RIN1: variants seen among roughly 807,000 people sequenced by gnomAD.
RIN1 encodes ras inhibitor 1.
RIN1 carries 52 observed loss-of-function variants against 64.9 expected under a neutral mutation model. The observed-to-expected ratio is 0.80, with a 90% CI of 0.64 to 1.01. RIN1 has a LOEUF of 1.01. Among genes scored for constraint, RIN1 ranks in the 50% least tolerant of loss-of-function variants. The pLI, the probability that RIN1 is intolerant of heterozygous loss-of-function variation, is 0.00. For synonymous variants in RIN1, 486 were observed against 483.6 expected (o/e 1.00, Z -0.06); for missense variants, 1,040 against 1,064.5 (o/e 0.98, Z 0.32).
Position 66,334,528 on chromosome 11 carries a change from G to T in RIN1, c.1271C>A (p.Ser424Ter). ...SAELGPEKLL[S>*]PKRLEHVLEK... The stretch of plus-strand genomic sequence containing the variant: ...CGGAGCCTCACCCAGCCTCTTAGGC[G>T]ACAGCAGCTTCTCAGGGCCCAGCTC... Residue 424 changes from serine (S) to a stop codon, truncating the protein, a stop_gained, in exon 6 of 10, where the codon TCG (serine) becomes TAG (stop). Transcript: ENST00000311320. LOFTEE classifies it high-confidence loss of function. 6.3e-7 allele frequency: 1 copy of T among 1,595,598 alleles called. No individual in the cohort carries two copies. Among genetic ancestry groups the T allele is most frequent in the Non-Finnish European group, 8.5e-7 (1 of 1,172,640 alleles).
In RIN1 at chr11:66,334,138, C is replaced by T. The variant is rs776870942; in HGVS notation, c.1372G>A (p.Ala458Thr). 6.0e-5 allele frequency: 92 copies of T among 1,541,052 alleles called. No homozygotes were observed. The Middle Eastern group carries it at 1.4e-3, about 23-fold the overall frequency. ...GCTAGGCGGCCCAGGGAGCCGTCTG[C>T]GGCAAGCCGGCGCCGCAGGCGGGCT... Reference protein sequence around the residue: ...LAARLRRRLAADGSLGRLAEG... With the variant: ...LAARLRRRLATDGSLGRLAEG... Residue 458 changes from alanine (A) to threonine (T), a missense_variant, in exon 7 of 10, where the codon GCA becomes ACA. Transcript: ENST00000311320.
At position 66,334,684 on chromosome 11, in the gene RIN1, A is replaced by G. The variant is rs1375437071; in HGVS notation, c.1115T>C (p.Met372Thr). The G allele has an allele frequency of 3.2e-6, 5 of 1,554,760 alleles. No homozygotes were observed. In the East Asian group the frequency reaches 1.2e-4, roughly 37 times the overall value. ...RQVGRAAAAL[M>T]QDRHTAAGQL... ...GCCCGCGGCTGTGTGTCGGTCCTGC[A>G]TCAGTGCTGCCGCAGCCCGGCCCAC... The change falls in exon 6 of 10, where the codon ATG (methionine) becomes ACG (threonine). Residue 372 changes from methionine (M) to threonine (T), a missense_variant. Physicochemically the swap from Met to Thr is moderately conservative, Grantham distance 81 (BLOSUM62 -1). Coordinates refer to ENST00000311320, the MANE Select transcript of RIN1 (RefSeq NM_004292.3).
Position 66,334,830 on chromosome 11 carries a change from C to A in RIN1, c.969G>T (p.Glu323Asp). Residue 323 changes from glutamate to aspartate, a missense_variant, in exon 6 of 10, where the codon GAG (glutamate) becomes GAT (aspartate). Physicochemically the swap from Glu to Asp is conservative, Grantham distance 45 (BLOSUM62 2). Coordinates refer to ENST00000311320, the MANE Select transcript of RIN1 (RefSeq NM_004292.3). ...EVDCGSPSSS[E>D]EEGVPGSRGS... ...CCCGGGACCCTGGCACCCCCTCCTCCTCGGAGCTGCTGGGGGAGCCGCAGT... is the reference window on the plus strand; with the variant it reads ...CCCGGGACCCTGGCACCCCCTCCTCATCGGAGCTGCTGGGGGAGCCGCAGT... The A allele has an allele frequency of 6.5e-7, 1 of 1,547,896 alleles. No individual in the cohort carries two copies.
At position 66,331,517 on chromosome 11, in the gene RIN1, G is replaced by A. The variant is rs754049279; in HGVS notation, c.*759C>T. 1 of 152,214 alleles carries A rather than the reference G, an allele frequency of 6.6e-6. No individual in the cohort carries two copies. Among genetic ancestry groups the A allele is most frequent in the Non-Finnish European group, 1.5e-5 (1 of 68,054 alleles). 9.4% of individuals were successfully genotyped at this position (152,214 alleles called of 1,614,324 possible). On this transcript the variant is annotated 3_prime_UTR_variant, in exon 10 of 10. Transcript: ENST00000311320. Reference sequence around the variant, plus strand: ...CTGTAACTTGGGTACTTTCTCCCCAGGGCCTGATTTCCAGGGGAATAACCT... The same window carrying A: ...CTGTAACTTGGGTACTTTCTCCCCAAGGCCTGATTTCCAGGGGAATAACCT...
In RIN1 at chr11:66,334,503, C is replaced by T. The variant is rs3016317; in HGVS notation, c.1285+11G>A. ...GGGCAGTGCTGGAGCTATGGAGAGA[C>T]GGAGCCTCACCCAGCCTCTTAGGCG... On this transcript the variant is annotated intron_variant, in intron 6 of 9. Transcript: ENST00000311320. 0.89 allele frequency: 1,420,278 copies of T among 1,593,968 alleles called. 642,643 individuals carry two copies. The highest frequency in any genetic ancestry group is 0.94 in the South Asian group (82,258 of 87,582).
chr11:66,335,179 T>C lies in RIN1; in HGVS notation c.620A>G (p.Lys207Arg). The stretch of plus-strand genomic sequence containing the variant: ...GTCCAGCTCTTGAGGGGACCGGGCC[T>C]TCAGCTGGGGCAACACTGGGCCTCC... ...PAGGPVLPQL[K>R]ARSPQELDQG... The change falls in exon 6 of 10, where the codon AAG becomes AGG. Residue 207 changes from lysine (K) to arginine (R), a missense_variant. Physicochemically the swap from Lys to Arg is conservative, Grantham distance 26. Coordinates refer to ENST00000311320, the MANE Select transcript of RIN1 (RefSeq NM_004292.3). The C allele has an allele frequency of 1.3e-6, 2 of 1,556,138 alleles. No individual in the cohort carries two copies. The highest frequency in any genetic ancestry group is 1.7e-6 in the Non-Finnish European group (2 of 1,160,454).
rs1199704199 is a variant in RIN1, at chr11:66,331,385, A to G, written c.*891T>C. On this transcript the variant is annotated 3_prime_UTR_variant, in exon 10 of 10. Transcript: ENST00000311320. ...TGAGGGCCAAGAGTTTAGTGCAGAG[A>G]GCATGGTTTCTGAGCCCCCTCTCCA... 1 of 152,224 alleles carries G rather than the reference A, an allele frequency of 6.6e-6. No homozygotes were observed. The highest frequency in any genetic ancestry group is 2.4e-5 in the African/African-American group (1 of 41,426). 9.4% of individuals were successfully genotyped at this position (152,224 alleles called of 1,614,324 possible).
At position 66,330,909 on chromosome 11, in the gene RIN1, A is replaced by T. The variant is rs957893782; in HGVS notation, c.*1367T>A. On this transcript the variant is annotated 3_prime_UTR_variant, in exon 10 of 10. Coordinates refer to ENST00000311320, the MANE Select transcript of RIN1 (RefSeq NM_004292.3). ...CTCTGGGGTCATCCTCCATAAGGGGACAATTCCTTCCTTCCTGGGGATGGC... is the reference window on the plus strand; with the variant it reads ...CTCTGGGGTCATCCTCCATAAGGGGTCAATTCCTTCCTTCCTGGGGATGGC... The T allele has an allele frequency of 1.3e-5, 2 of 152,294 alleles. No individual in the cohort carries two copies. Among genetic ancestry groups the T allele is most frequent in the African/African-American group, 4.8e-5 (2 of 41,464 alleles). 9.4% of individuals were successfully genotyped at this position (152,294 alleles called of 1,614,324 possible).
chr11:66,333,234 AG>A (rs765130284), intron 9 of RIN1, 23 bp downstream of exon 9: 13 of 1,607,364 alleles, frequency 8.1e-6, no homozygotes, highest in African/African-American at 1.3e-5. Context: ...TCTGGCTCTG[AG>A]GACACGGTGG....
rs1460115906 is a variant in RIN1, at chr11:66,334,072, A to C, written c.1438T>G (p.Phe480Val). 1.9e-6 allele frequency: 3 copies of C among 1,570,406 alleles called. No individual in the cohort carries two copies. The South Asian group carries it at 3.5e-5, about 18-fold the overall frequency. ...GAGGGCAGGCTCAGGTGGGACCCGA[A>C]GGCTCCGGGGCCCTGGGCCCGGGCC... ...RLARAQGPGAFGSHLSLPSPV... is the reference protein window; with the variant it reads ...RLARAQGPGAVGSHLSLPSPV... Residue 480 changes from phenylalanine to valine, a missense_variant, in exon 7 of 10, where the codon TTC becomes GTC. Transcript: ENST00000311320.
In RIN1 at chr11:66,333,940, T is replaced by C. The variant is rs746509814; in HGVS notation, c.1570A>G (p.Met524Val). ...ATACCTTCCTGGGTCCTCAGGGCCA[T>C]GTAGAGCAGCTTGCAGGCCTGCAGG... ...RLLQACKLLYMALRTQEGEGA... is the reference protein window; with the variant it reads ...RLLQACKLLYVALRTQEGEGA... The change falls in exon 7 of 10, where the codon ATG (methionine) becomes GTG (valine). Residue 524 changes from methionine to valine, a missense_variant. Met to Val is a conservative substitution (Grantham distance 21, BLOSUM62 1). Coordinates refer to ENST00000311320, the MANE Select transcript of RIN1 (RefSeq NM_004292.3). 8 of 1,549,474 alleles carry C rather than the reference T, an allele frequency of 5.2e-6. No homozygotes were observed. Among genetic ancestry groups the C allele is most frequent in the African/African-American group, 4.1e-5 (3 of 73,416 alleles).
At chr11:66,334,273 G>T in intron 6 of RIN1, 49 bp from the exon 7 acceptor site, 1 of 1,319,920 alleles carries the variant, frequency 7.6e-7, no homozygotes, top group Non-Finnish European at 1.0e-6. Context: ...GGTATGGGGG[G>T]CAGAGGCAAG....
At chr11:66,336,220 C>G (rs1023068833) in intron 1 of RIN1, 62 bp from the exon 2 acceptor site, 1 of 1,496,278 alleles carries the variant, frequency 6.7e-7, no homozygotes, top group Middle Eastern at 2.4e-4. Context: ...CTCTCCTCTT[C>G]CCCACTCCCG....
chr11:66,334,116 A>G lies in RIN1; in HGVS notation c.1394T>C (p.Leu465Pro). The G allele has an allele frequency of 6.4e-7, 1 of 1,552,680 alleles. No homozygotes were observed. Among genetic ancestry groups the G allele is most frequent in the South Asian group, 1.2e-5 (1 of 84,332 alleles). The change falls in exon 7 of 10, where the codon CTA becomes CCA. Residue 465 changes from leucine to proline, a missense_variant. Physicochemically the swap from Leu to Pro is moderately conservative, Grantham distance 98 (BLOSUM62 -3). Coordinates refer to ENST00000311320, the MANE Select transcript of RIN1 (RefSeq NM_004292.3). Reference protein sequence around the residue: ...RLAADGSLGRLAEGLRLARAQ... With the variant: ...RLAADGSLGRPAEGLRLARAQ... ...CCGGGCCAGGCGGAGGCCCTCAGCTAGGCGGCCCAGGGAGCCGTCTGCGGC... is the reference window on the plus strand; with the variant it reads ...CCGGGCCAGGCGGAGGCCCTCAGCTGGGCGGCCCAGGGAGCCGTCTGCGGC...
In RIN1 at chr11:66,335,248, A is replaced by G. The variant is rs1233851519; in HGVS notation, c.551T>C (p.Phe184Ser). Residue 184 changes from phenylalanine (F) to serine (S), a missense_variant, in exon 6 of 10, where the codon TTC becomes TCC. By Grantham distance (155) the Phe-to-Ser change is radical (BLOSUM62 -2). Transcript: ENST00000311320. ...LEAISHLGIE[F>S]WSSSLNIKAQ... ...CTTGATGTTGAGGGAGGAGCTCCAGAACTCTAGGGAACAAGAAACCGACTG... is the reference window on the plus strand; with the variant it reads ...CTTGATGTTGAGGGAGGAGCTCCAGGACTCTAGGGAACAAGAAACCGACTG... 1.3e-6 allele frequency: 2 copies of G among 1,573,538 alleles called. No individual in the cohort carries two copies. The highest frequency in any genetic ancestry group is 8.5e-7 in the Non-Finnish European group (1 of 1,169,732).
rs777251144 is a variant in RIN1, at chr11:66,332,336, C to G, written c.2292G>C (p.Gln764His). 15 of 1,614,052 alleles carry G rather than the reference C, an allele frequency of 9.3e-6. No individual in the cohort carries two copies. Among genetic ancestry groups the G allele is most frequent in the Non-Finnish European group, 1.3e-5 (15 of 1,180,038 alleles). Reference protein sequence around the residue: ...TTAEGGQGQAQEGPAQPGEPE... With the variant: ...TTAEGGQGQAHEGPAQPGEPE... ...GTTCCCCTGGCTGAGCAGGGCCTTC[C>G]TGGGCTTGACCCTGGCCCCCTTCAG... The change falls in exon 10 of 10, where the codon CAG (glutamine) becomes CAC (histidine). Residue 764 changes from glutamine (Q) to histidine (H), a missense_variant. Coordinates refer to ENST00000311320, the MANE Select transcript of RIN1 (RefSeq NM_004292.3).
rs987038451 is a variant in RIN1, at chr11:66,335,328, C to T, written c.548-77G>A. ...CCCAACCAAGGCAAGGCAGGGGCTT[C>T]GGGCGGTGTGCTGCGAGCCTTGCCT... On this transcript the variant is annotated intron_variant, in intron 5 of 9. Transcript: ENST00000311320. 6.4e-6 allele frequency: 10 copies of T among 1,555,898 alleles called. 1 individual carries two copies. The highest frequency in any genetic ancestry group is 5.9e-5 in the South Asian group (5 of 84,726).
At position 66,332,095 on chromosome 11, in the gene RIN1, C is replaced by A; in HGVS notation, c.*181G>T. 1 of 673,008 alleles carries A rather than the reference C, an allele frequency of 1.5e-6. No homozygotes were observed. Among genetic ancestry groups the A allele is most frequent in the Non-Finnish European group, 2.5e-6 (1 of 392,656 alleles). 41.7% of individuals were successfully genotyped at this position (673,008 alleles called of 1,614,324 possible). A position where few individuals can be genotyped will look rare whatever the true frequency, so the allele number is the denominator to read the frequency against. On this transcript the variant is annotated 3_prime_UTR_variant, in exon 10 of 10. Transcript: ENST00000311320. The stretch of plus-strand genomic sequence containing the variant: ...ACACAGTCTGGGGGCCCCCGAAGCC[C>A]CCTCATCTTTATTCCAGTTCCTCAG...
intron 6 of RIN1, 141 bp from the exon 7 acceptor site, chr11:66,334,365 G>T: frequency 3.2e-6 from 4 of 1,239,080 alleles, no homozygotes; most frequent in Non-Finnish European, 4.4e-6. Flanking sequence ...GGAAGAGTTG[G>T]GGGAGAGAGG....
Sources: gnomAD v4.1 joint callset for allele counts on GRCh38, gnomAD v4.1.1 for gene constraint, MANE v1.5 for transcripts, NCBI Gene and HGNC (gene_info 2026-07-23, HGNC 2026-07-21) for gene names.